The following CLVS1 variants were observed in gnomAD, a reference collection of about 807,000 sequenced individuals.
The protein encoded by CLVS1 is clavesin-1.
CLVS1 carries 10 observed loss-of-function variants against 33.1 expected under a neutral mutation model. That is an observed-to-expected ratio of 0.30 (90% CI 0.19 to 0.51). The LOEUF (loss-of-function observed/expected upper bound fraction) is 0.51, where lower values mean the gene tolerates loss of function less well. Ranked by LOEUF, CLVS1 falls within the 20% of genes least tolerant of loss-of-function variation. The pLI is 0.97. For missense variants in CLVS1, 343 were observed against 433.4 expected, an observed-to-expected ratio of 0.79 and a Z score of 1.85; for synonymous variants, 163 against 166.1, an observed-to-expected ratio of 0.98 and a Z score of 0.14.
chr8:61,115,370 T>C (rs945285048), intron 1 of CLVS1, among the ~76,000 whole-genome samples: 4 of 151,344 alleles, frequency 2.6e-5, no homozygotes, highest in African/African-American at 9.7e-5. Flanking sequence ...TATTTTTATT[T>C]ATTTATTTAT....
At chr8:61,098,554 C>A (rs1213499140) in intron 1 of CLVS1, among the ~76,000 whole-genome samples, 2 of 152,208 alleles carry the variant, frequency 1.3e-5, no homozygotes, top group African/African-American at 4.8e-5. Context: ...TCTTAGGTAT[C>A]ACTTTCATCC....
At chr8:61,292,364 T>C (rs149841721) in intron 1 of CLVS1, 5,444 of 456,162 alleles carry the variant, frequency 0.012, 45 homozygotes, top group Non-Finnish European at 0.016. Flanking sequence ...GTCTGTGCAA[T>C]CACATCCAGA....
intron 2 of CLVS1, among the ~76,000 whole-genome samples, chr8:61,350,246 C>G (rs1035391376): frequency 6.6e-6 from 1 of 152,074 alleles, no homozygotes; most frequent in Non-Finnish European, 1.5e-5. Flanking sequence ...ACCTATTTAT[C>G]CTTCTCCTGA....
At chr8:61,068,229 G>GTATATATATATATATATATATGTATA (rs201671807) in intron 1 of CLVS1, among the ~76,000 whole-genome samples, 1 of 101,004 alleles carries the variant, frequency 9.9e-6, no homozygotes. Context: ...GTATGTATGT[G>GTATATATATATATATATATATGTATA]TATATATATA....
chr8:61,072,941 C>G (rs1277640137), intron 1 of CLVS1, among the ~76,000 whole-genome samples: 1 of 152,154 alleles, frequency 6.6e-6, no homozygotes, highest in African/African-American at 2.4e-5. Flanking sequence ...AATCTATAAT[C>G]TTTTTTTGTA....
At position 61,098,205 on chromosome 8, in the gene CLVS1, A is replaced by G. The variant is rs939410851; in HGVS notation, c.-242-33565A>G. Among the ~76,000 whole-genome samples the G allele has an allele frequency of 3.9e-5, 6 of 152,040 alleles. No homozygotes were observed. In the East Asian group the frequency reaches 9.6e-4, roughly 24 times the overall value. ...AGAGCGAGCAAGGGAGAGAGAGCGCAGAGAAACAGCTCATATTGTGGTAGG... is the reference window on the plus strand; with the variant it reads ...AGAGCGAGCAAGGGAGAGAGAGCGCGGAGAAACAGCTCATATTGTGGTAGG... On this transcript the variant is annotated intron_variant, in intron 1 of 2. Coordinates refer to the CLVS1 transcript ENST00000522621.
At chr8:61,108,923 C>T (rs1805583441) in intron 1 of CLVS1, among the ~76,000 whole-genome samples, 1 of 152,228 alleles carries the variant, frequency 6.6e-6, no homozygotes, top group Admixed American at 6.5e-5. Flanking sequence ...AGCAGGACAA[C>T]AGCTTTCCCT....
intron 5 of CLVS1, among the ~76,000 whole-genome samples, chr8:61,476,003 C>G (rs943601081): frequency 3.3e-5 from 5 of 152,182 alleles, no homozygotes; most frequent in Non-Finnish European, 5.9e-5. Context: ...CCAGTTTCAG[C>G]TTTCTACATA....
At chr8:61,316,937 G>A (rs981722560) in intron 2 of CLVS1, among the ~76,000 whole-genome samples, 1 of 152,130 alleles carries the variant, frequency 6.6e-6, no homozygotes, top group Non-Finnish European at 1.5e-5. Flanking sequence ...AATTAAAGGA[G>A]CTAATACAAG....
intron 1 of CLVS1, among the ~76,000 whole-genome samples, chr8:61,061,648 T>G (rs1245834553): frequency 2.0e-5 from 3 of 152,086 alleles, no homozygotes; most frequent in African/African-American, 7.2e-5. Flanking sequence ...GAATATGCCC[T>G]GATTCGCTCA....
intron 2 of CLVS1, among the ~76,000 whole-genome samples, chr8:61,348,685 G>A (rs557112801): frequency 6.6e-6 from 1 of 152,176 alleles, no homozygotes; most frequent in South Asian, 2.1e-4. Flanking sequence ...GTGAACGTGG[G>A]AGTGCAGGTA....
chr8:61,064,537 ATT>A (rs35743247), intron 1 of CLVS1, among the ~76,000 whole-genome samples: 2,280 of 88,600 alleles, frequency 0.026, 41 homozygotes, highest in African/African-American at 0.071. Flanking sequence ...TTCTTTGCCC[ATT>A]TTTTTTTTTT....
intron 1 of CLVS1, among the ~76,000 whole-genome samples, chr8:61,075,223 A>G (rs1349601250): frequency 6.6e-6 from 1 of 152,168 alleles, no homozygotes; most frequent in Admixed American, 6.5e-5. Context: ...ATTTTCACGT[A>G]GCAGTCAGCA....
At chr8:61,395,904 C>A (rs1814507234) in intron 3 of CLVS1, among the ~76,000 whole-genome samples, 1 of 152,118 alleles carries the variant, frequency 6.6e-6, no homozygotes, top group Non-Finnish European at 1.5e-5. Flanking sequence ...TGACTCTCAA[C>A]CTGTGCTTTA....
rs1206949859 is a variant in CLVS1, at chr8:61,481,439, C to T, written c.978-18016C>T. Among the ~76,000 whole-genome samples the T allele has an allele frequency of 2.9e-4, 44 of 152,214 alleles. 2 individuals are homozygous for T. The highest frequency in any genetic ancestry group is 2.9e-3 in the Admixed American group (44 of 15,282). On this transcript the variant is annotated intron_variant, in intron 5 of 5. Transcript: ENST00000325897. ...GAAGCGCAAGGGGTCAGAGGATTCC[C>T]TTTCCCAGCAAAGGGAAGACGTGAC...
At chr8:61,385,084 C>A (rs7842754) in intron 3 of CLVS1, among the ~76,000 whole-genome samples, 9,242 of 152,076 alleles carry the variant, frequency 0.061, 648 homozygotes, top group African/African-American at 0.17. Context: ...TAGAGGAAAC[C>A]GGAGGAAAGG....
chr8:61,351,171 T>C (rs1236038880), intron 2 of CLVS1, among the ~76,000 whole-genome samples: 1 of 152,050 alleles, frequency 6.6e-6, no homozygotes, highest in East Asian at 1.9e-4. Flanking sequence ...CAGCAGTTGA[T>C]TACAAATTCT....
chr8:61,213,365 G>A (rs1265303120), intron 2 of CLVS1, among the ~76,000 whole-genome samples: 2 of 148,252 alleles, frequency 1.3e-5, no homozygotes, highest in Non-Finnish European at 3.0e-5. Flanking sequence ...AAGTGCTGGG[G>A]TTACAGGCAT....
intron 3 of CLVS1, among the ~76,000 whole-genome samples, chr8:61,423,391 G>A (rs1418428497): frequency 1.3e-5 from 2 of 152,188 alleles, no homozygotes; most frequent in East Asian, 3.8e-4. Flanking sequence ...ATGCTCATTA[G>A]CTTACTCAAA....
Sources: allele counts gnomAD v4.1 joint callset (sites outside exome capture counted in the v4.1 genomes callset), GRCh38; gene constraint gnomAD v4.1.1; transcripts MANE v1.5; gene names NCBI Gene and HGNC (gene_info 2026-07-23, HGNC 2026-07-21).